TMEM132D: variants seen among roughly 807,000 people sequenced by gnomAD.
TMEM132D encodes the protein transmembrane protein 132D.
A neutral mutation model predicts 62.3 loss-of-function variants in TMEM132D; 21 were observed. That is an observed-to-expected ratio of 0.34 (90% confidence interval 0.24 to 0.49). The LOEUF is 0.49. Ranked by LOEUF, TMEM132D falls within the 20% of genes least tolerant of loss-of-function variation. The probability of loss-of-function intolerance (pLI) is 0.99; values close to 1 mark genes in which losing one functional copy is unlikely to be tolerated. For missense variants in TMEM132D, 1,346 were observed against 1,402.8 expected (o/e 0.96, Z 0.65); for synonymous variants, 621 against 575.6 (o/e 1.08, Z -1.13).
intron 1 of TMEM132D, among the ~76,000 whole-genome samples, chr12:129,842,653 G>A (rs1873232588): frequency 1.3e-5 from 2 of 152,004 alleles, no homozygotes; most frequent in African/African-American, 2.4e-5. Flanking sequence ...ATTTTCTGCA[G>A]AGACAGGGTC....
chr12:129,861,691 T>C (rs1449291899), intron 1 of TMEM132D, among the ~76,000 whole-genome samples: 1 of 150,204 alleles, frequency 6.7e-6, no homozygotes, highest in Non-Finnish European at 1.5e-5. Context: ...AAATCAAAGG[T>C]TGCAATGAGC....
intron 3 of TMEM132D, among the ~76,000 whole-genome samples, chr12:129,439,846 G>C (rs1872889322): frequency 6.6e-6 from 1 of 152,120 alleles, no homozygotes; most frequent in South Asian, 2.1e-4. Flanking sequence ...CCTGCCTTGT[G>C]GAAATCAGGC....
Position 129,554,134 on chromosome 12 carries a change from C to T in TMEM132D, c.969-22929G>A, listed in dbSNP as rs556115206. 1.3e-4 allele frequency among the ~76,000 whole-genome samples: 20 copies of T among 152,240 alleles called. No homozygotes were observed. The South Asian group carries it at 3.9e-3, about 30-fold the overall frequency. Reference sequence around the variant, plus strand: ...TTATGTCCCTTCCACAGTTTCTATTCCTTAAAACAGTGGTGCTCACGGCTC... The same window carrying T: ...TTATGTCCCTTCCACAGTTTCTATTTCTTAAAACAGTGGTGCTCACGGCTC... On this transcript the variant is annotated intron_variant, in intron 2 of 8. Coordinates refer to ENST00000422113, the MANE Select transcript of TMEM132D (RefSeq NM_133448.3).
At position 129,752,911 on chromosome 12, in the gene TMEM132D, C is replaced by T. The variant is rs554207217; in HGVS notation, c.80-52213G>A. On this transcript the variant is annotated intron_variant, in intron 1 of 8. Transcript: ENST00000422113. ...TTGACATTTCCACCAAAACTTCATC[C>T]AAAGGAGGAAGGGTGGTCCCCCCAA... 3.9e-5 allele frequency among the ~76,000 whole-genome samples: 6 copies of T among 152,250 alleles called. No homozygotes were observed. In the South Asian group the frequency reaches 1.2e-3, roughly 32 times the overall value.
intron 5 of TMEM132D, among the ~76,000 whole-genome samples, chr12:129,123,567 C>T (rs111974036): frequency 2.8e-3 from 422 of 152,026 alleles, no homozygotes; most frequent in African/African-American, 9.4e-3. Context: ...CAGTGATTTT[C>T]GCAAAGGATA....
intron 5 of TMEM132D, among the ~76,000 whole-genome samples, chr12:129,162,225 C>T (rs1047053990): frequency 7.2e-5 from 11 of 152,042 alleles, no homozygotes; most frequent in African/African-American, 1.9e-4. Flanking sequence ...AAAAGAAAGG[C>T]CTCTGAGAGC....
chr12:129,291,983 T>C (rs1459318869), intron 4 of TMEM132D, among the ~76,000 whole-genome samples: 1 of 151,874 alleles, frequency 6.6e-6, no homozygotes, highest in Non-Finnish European at 1.5e-5. Context: ...AGATCGAACA[T>C]GGGGCAGGAA....
intron 3 of TMEM132D, among the ~76,000 whole-genome samples, chr12:129,502,031 C>T (rs558723194): frequency 2.3e-4 from 35 of 152,058 alleles, no homozygotes; most frequent in Middle Eastern, 3.4e-3. Flanking sequence ...GATGGAGTCT[C>T]GCTCTGTCGT....
intron 3 of TMEM132D, among the ~76,000 whole-genome samples, chr12:129,485,719 G>T (rs1419313530): frequency 2.0e-5 from 3 of 152,228 alleles, no homozygotes; most frequent in African/African-American, 7.2e-5. Flanking sequence ...AGGTGAGGCA[G>T]GAAAAGAGGT....
chr12:129,430,044 C>T (rs561204692), intron 3 of TMEM132D, among the ~76,000 whole-genome samples: 16 of 152,228 alleles, frequency 1.1e-4, no homozygotes, highest in Non-Finnish European at 1.3e-4. Context: ...TATAAACATA[C>T]GTGTGTATGT....
At chr12:129,205,149 AAATCTGCACAT>A (rs1878808240) in intron 5 of TMEM132D, among the ~76,000 whole-genome samples, 1 of 148,498 alleles carries the variant, frequency 6.7e-6, no homozygotes, top group African/African-American at 2.6e-5. Context: ...AGACAGGATC[AAATCTGCACAT>A]ATCAATACTA....
At chr12:129,172,557 G>T (rs1471787836) in intron 5 of TMEM132D, among the ~76,000 whole-genome samples, 1 of 152,166 alleles carries the variant, frequency 6.6e-6, no homozygotes, top group African/African-American at 2.4e-5. Context: ...AACACTTAGA[G>T]GCCACTGTAT....
Position 129,903,227 on chromosome 12 carries a change from A to T in TMEM132D, c.79+34T>A. ...CCACACACTCACTCCAGGCGAAGTTAGTCCCCGGGCCCTGGCGGCCGCGGC... is the reference window on the plus strand; with the variant it reads ...CCACACACTCACTCCAGGCGAAGTTTGTCCCCGGGCCCTGGCGGCCGCGGC... On this transcript the variant is annotated intron_variant, in intron 1 of 8. Coordinates refer to ENST00000422113, the MANE Select transcript of TMEM132D (RefSeq NM_133448.3). This position sits in a 1 kb window ranked among gnomAD's most constrained non-coding sequence, Gnocchi z 6.2. 1 of 1,550,364 alleles carries T rather than the reference A, an allele frequency of 6.5e-7. No individual in the cohort carries two copies. The highest frequency in any genetic ancestry group is 8.7e-7 in the Non-Finnish European group (1 of 1,146,080).
intron 3 of TMEM132D, among the ~76,000 whole-genome samples, chr12:129,478,722 T>C (rs968847307): frequency 6.6e-6 from 1 of 152,136 alleles, no homozygotes; most frequent in Non-Finnish European, 1.5e-5. Flanking sequence ...GCTCTTTAGA[T>C]CAGAGGCTGG....
At chr12:129,204,493 C>T (rs1242628774) in intron 5 of TMEM132D, among the ~76,000 whole-genome samples, 1 of 152,088 alleles carries the variant, frequency 6.6e-6, no homozygotes, top group Non-Finnish European at 1.5e-5. Context: ...TGAAGAAGAA[C>T]AAACAAAGCC....
intron 1 of TMEM132D, among the ~76,000 whole-genome samples, chr12:129,884,984 T>C (rs1874703960): frequency 6.6e-6 from 1 of 152,200 alleles, no homozygotes; most frequent in African/African-American, 2.4e-5. Flanking sequence ...CTTGTAAGAA[T>C]ATTAAATGCA....
At chr12:129,622,993 TC>T (rs2137160811) in intron 2 of TMEM132D, among the ~76,000 whole-genome samples, 1 of 151,820 alleles carries the variant, frequency 6.6e-6, no homozygotes, top group East Asian at 1.9e-4. Context: ...TGTAAGTTCA[TC>T]CGCAATAGAA....
intron 3 of TMEM132D, among the ~76,000 whole-genome samples, chr12:129,435,238 T>C (rs978000097): frequency 2.0e-5 from 3 of 152,314 alleles, no homozygotes; most frequent in African/African-American, 7.2e-5. Context: ...CTTAGGTGGT[T>C]TCCATATCTT....
intron 3 of TMEM132D, among the ~76,000 whole-genome samples, chr12:129,342,213 G>T (rs544170415): frequency 8.1e-4 from 124 of 152,240 alleles, no homozygotes; most frequent in African/African-American, 2.8e-3. Flanking sequence ...GCATGGTACT[G>T]GTACCAAAAC....
Sources: gnomAD v4.1 joint callset for allele counts (sites outside exome capture counted in the v4.1 genomes callset) on GRCh38, gnomAD v4.1.1 for gene constraint, Gnocchi (gnomAD v3.1) non-coding constraint, MANE v1.5 for transcripts, NCBI Gene and HGNC (gene_info 2026-07-23, HGNC 2026-07-21) for gene names.